OBI1: variants seen among roughly 807,000 people sequenced by gnomAD.
OBI1 encodes ring finger protein 219.
OBI1 carries 59 observed loss-of-function variants against 62.4 expected under a neutral mutation model. The observed-to-expected ratio is 0.95, with a 90% CI of 0.77 to 1.17. OBI1 has a LOEUF of 1.17. Ranked by LOEUF, OBI1 falls within the 50% of genes most tolerant of loss-of-function variation. The probability of loss-of-function intolerance (pLI) is 0.00; values close to 1 mark genes in which losing one functional copy is unlikely to be tolerated. For missense variants in OBI1, 875 were observed against 830.9 expected (o/e 1.05, Z -0.65); for synonymous variants, 302 against 292.8 (o/e 1.03, Z -0.32).
chr13:78,647,993 T>A (rs201150536), intron 1 of OBI1, among the ~76,000 whole-genome samples: 11 of 144,432 alleles, frequency 7.6e-5, no homozygotes, highest in Non-Finnish European at 1.2e-4. Context: ...AAAAAAAAAA[T>A]AATGAACCAT....
At chr13:78,658,184 G>A (rs1180073978) in intron 1 of OBI1, among the ~76,000 whole-genome samples, 1 of 152,108 alleles carries the variant, frequency 6.6e-6, no homozygotes, top group Admixed American at 6.6e-5. Context: ...CACACACCCT[G>A]ACACACCACA....
rs201978864 is a variant in OBI1, at chr13:78,659,121, G to T, written c.-1C>A. On this transcript the variant is annotated 5_prime_UTR_variant, in exon 1 of 6. Transcript: ENST00000282003. ...TAACATTCTGCACGGTCTGAGCCATGGCAGCGTTCAGAATCCCGCCAACAC... is the reference window on the plus strand; with the variant it reads ...TAACATTCTGCACGGTCTGAGCCATTGCAGCGTTCAGAATCCCGCCAACAC... 4 of 1,610,768 alleles carry T rather than the reference G, an allele frequency of 2.5e-6. No individual in the cohort carries two copies. The highest frequency in any genetic ancestry group is 1.3e-5 in the African/African-American group (1 of 74,808).
chr13:78,634,831 G>T (rs1223661667), intron 5 of OBI1, among the ~76,000 whole-genome samples: 1 of 152,152 alleles, frequency 6.6e-6, no homozygotes, highest in Non-Finnish European at 1.5e-5. Context: ...CTATTAAACA[G>T]TTATATGTAA....
chr13:78,633,971 G>C (rs1329590609), intron 5 of OBI1, among the ~76,000 whole-genome samples: 1 of 151,820 alleles, frequency 6.6e-6, no homozygotes, highest in Non-Finnish European at 1.5e-5. Flanking sequence ...GGAGGCTGAG[G>C]CAGGAGAATG....
At chr13:78,651,887 T>C (rs1264001154) in intron 1 of OBI1, among the ~76,000 whole-genome samples, 1 of 152,182 alleles carries the variant, frequency 6.6e-6, no homozygotes, top group Non-Finnish European at 1.5e-5. Context: ...TGATGTACTA[T>C]AATGAAAGGC....
intron 4 of OBI1, among the ~76,000 whole-genome samples, chr13:78,637,412 A>C (rs1383863607): frequency 6.6e-6 from 1 of 152,214 alleles, no homozygotes; most frequent in Non-Finnish European, 1.5e-5. Context: ...TTAACATTTG[A>C]CCATTAAAAG....
rs766091077 is a variant in OBI1 at position 78,616,410 on chromosome 13, CACTTCT to C, written c.1345_1350del (p.Arg449_Ser450del). ...AAACATTCTGATTTCTTTTCATTTT[CACTTCT>C]ACTTATATCATCTTCTGAAGAATCT... On this transcript the variant is annotated inframe_deletion, in exon 6 of 6. Coordinates refer to ENST00000282003, the MANE Select transcript of OBI1 (RefSeq NM_024546.4). 14 of 1,612,696 alleles carry C rather than the reference CACTTCT, an allele frequency of 8.7e-6. No homozygotes were observed. The highest frequency in any genetic ancestry group is 1.1e-5 in the Non-Finnish European group (13 of 1,179,432).
At chr13:78,636,118 C>T (rs1410102035) in intron 4 of OBI1, among the ~76,000 whole-genome samples, 3 of 152,066 alleles carry the variant, frequency 2.0e-5, no homozygotes. Flanking sequence ...AAAAAAAATC[C>T]TTCCAAGTAT....
At chr13:78,626,959 A>G (rs1875688076) in intron 5 of OBI1, among the ~76,000 whole-genome samples, 1 of 152,102 alleles carries the variant, frequency 6.6e-6, no homozygotes, top group South Asian at 2.1e-4. Flanking sequence ...CCAGCTACTC[A>G]GGAGGCTGAG....
At position 78,644,882 on chromosome 13, in the gene OBI1, T is replaced by C. The variant is rs1414801615; in HGVS notation, c.188A>G (p.Asn63Ser). 1 of 1,614,068 alleles carries C rather than the reference T, an allele frequency of 6.2e-7. No homozygotes were observed. Among genetic ancestry groups the C allele is most frequent in the South Asian group, 1.1e-5 (1 of 91,078 alleles). ...PACRVPITPE[N>S]PCKEIIGGTS... Reference sequence around the variant, plus strand: ...CTTACCTATAATTTCTTTGCAAGGATTTTCAGGAGTGATGGGGACTCTGCA... The same window carrying C: ...CTTACCTATAATTTCTTTGCAAGGACTTTCAGGAGTGATGGGGACTCTGCA... Residue 63 changes from asparagine (N) to serine (S), a missense_variant, in exon 2 of 6, where the codon AAT (asparagine) becomes AGT (serine). Asn to Ser is a conservative substitution (Grantham distance 46). Coordinates refer to ENST00000282003, the MANE Select transcript of OBI1 (RefSeq NM_024546.4).
intron 1 of OBI1, among the ~76,000 whole-genome samples, chr13:78,648,279 A>ACACACACAC (rs1876444763): frequency 6.8e-6 from 1 of 146,688 alleles, no homozygotes; most frequent in African/African-American, 2.5e-5. Context: ...ACTTCCCCCA[A>ACACACACAC]ACACACACAC....
intron 4 of OBI1, 88 bp downstream of exon 4, chr13:78,638,735 G>C (rs962062169): frequency 2.3e-5 from 27 of 1,171,050 alleles, no homozygotes; most frequent in African/African-American, 7.7e-5. Flanking sequence ...ATCATCTGAT[G>C]ATGAGTCAAG....
At chr13:78,647,469 G>A (rs571296044) in intron 1 of OBI1, among the ~76,000 whole-genome samples, 2 of 152,362 alleles carry the variant, frequency 1.3e-5, no homozygotes, top group Admixed American at 6.5e-5. Flanking sequence ...TCTGGCCTAC[G>A]TGCACATCCG....
At chr13:78,622,540 G>A (rs1875545341) in intron 5 of OBI1, among the ~76,000 whole-genome samples, 1 of 152,192 alleles carries the variant, frequency 6.6e-6, no homozygotes, top group African/African-American at 2.4e-5. Flanking sequence ...CATAGCCATA[G>A]TAGCTTCTCA....
Position 78,639,065 on chromosome 13 carries a change from T to C in OBI1, c.307A>G (p.Ile103Val), listed in dbSNP as rs1876123162. The stretch of plus-strand genomic sequence containing the variant: ...TCTACTTCTTTCTGTAAACAATCTA[T>C]TTCGTCCTGAAAAAGCATTGCATAG... ...ELLHKEYEDEIDCLQKEVEEL... is the reference protein window; with the variant it reads ...ELLHKEYEDEVDCLQKEVEEL... The change falls in exon 4 of 6, where the codon ATA (isoleucine) becomes GTA (valine). Residue 103 changes from isoleucine to valine, a missense_variant. Transcript: ENST00000282003. The C allele has an allele frequency of 6.2e-7, 1 of 1,612,196 alleles. No individual in the cohort carries two copies. Among genetic ancestry groups the C allele is most frequent in the Non-Finnish European group, 8.5e-7 (1 of 1,179,256 alleles).
intron 5 of OBI1, among the ~76,000 whole-genome samples, 193 bp downstream of exon 5, chr13:78,634,917 C>A (rs1160438267): frequency 6.6e-6 from 1 of 152,170 alleles, no homozygotes; most frequent in Non-Finnish European, 1.5e-5. Context: ...AAAATTCTTT[C>A]TTTAAAATTA....
At chr13:78,625,795 C>A (rs865957825) in intron 5 of OBI1, among the ~76,000 whole-genome samples, 1 of 152,144 alleles carries the variant, frequency 6.6e-6, no homozygotes, top group Middle Eastern at 3.2e-3. Flanking sequence ...TCCGGGAAAA[C>A]CAAAGGCATA....
At chr13:78,617,449 T>C (rs1282073887) in intron 5 of OBI1, 1 of 214,034 alleles carries the variant, frequency 4.7e-6, no homozygotes, top group Non-Finnish European at 9.3e-6. Context: ...CATGAAGAGT[T>C]ATCCCCTAAA....
chr13:78,647,215 G>A lies in OBI1; in HGVS notation c.73-2218C>T, dbSNP rs568700743. On this transcript the variant is annotated intron_variant, in intron 1 of 5. Transcript: ENST00000282003. The stretch of plus-strand genomic sequence containing the variant: ...CTGACCGTCCCCCAGCCTGACACCC[G>A]TGAACGGTCTGTGCTGAGGAGGATT... 4.6e-5 allele frequency among the ~76,000 whole-genome samples: 7 copies of A among 152,334 alleles called. No homozygotes were observed. The East Asian group carries it at 5.8e-4, about 13-fold the overall frequency.
Sources: allele counts gnomAD v4.1 joint callset (sites outside exome capture counted in the v4.1 genomes callset), GRCh38; gene constraint gnomAD v4.1.1; transcripts MANE v1.5; gene names NCBI Gene and HGNC (gene_info 2026-07-23, HGNC 2026-07-21).